Variants in TSPAN9 observed in about 807,000 individuals in gnomAD.
TSPAN9 encodes the protein tetraspanin 9.
A neutral mutation model predicts 31.0 loss-of-function variants in TSPAN9; 16 were observed. The ratio of observed to expected loss-of-function variants is 0.52; its 90% confidence interval spans 0.35 to 0.78. TSPAN9 has a LOEUF of 0.78. TSPAN9 is among the 30% of genes least tolerant of loss of function. TSPAN9 has a pLI of 0.01. For synonymous variants in TSPAN9, 145 were observed against 121.6 expected, an observed-to-expected ratio of 1.19 and a Z score of -1.27; for missense variants, 272 against 312.5, an observed-to-expected ratio of 0.87 and a Z score of 0.98.
chr12:3,278,336 C>T, intron 3 of TSPAN9, 85 bp from the exon 4 acceptor site: 1 of 1,533,950 alleles, frequency 6.5e-7, no homozygotes, highest in Non-Finnish European at 8.8e-7. Context: ...TGTCTCAGAG[C>T]ATGGGGTGGG....
At chr12:3,276,523 C>T (rs1254806467) in intron 3 of TSPAN9, among the ~76,000 whole-genome samples, 7 of 152,204 alleles carry the variant, frequency 4.6e-5, no homozygotes, top group African/African-American at 1.7e-4. Flanking sequence ...CTGTCTGGAA[C>T]GTTCTTCCCC....
chr12:3,081,359 C>T (rs1487306218), intron 1 of TSPAN9, among the ~76,000 whole-genome samples: 3 of 152,130 alleles, frequency 2.0e-5, no homozygotes, highest in Non-Finnish European at 2.9e-5. Context: ...CTAGCCTTAT[C>T]GCCACTCTCC....
At chr12:3,131,128 G>GA (rs144013286) in intron 2 of TSPAN9, among the ~76,000 whole-genome samples, 12 of 140,478 alleles carry the variant, frequency 8.5e-5, no homozygotes, top group Admixed American at 2.1e-4. Flanking sequence ...CCACTTTTGG[G>GA]GAAAAAAAAA....
intron 2 of TSPAN9, among the ~76,000 whole-genome samples, chr12:3,085,993 C>T (rs74054890): frequency 0.029 from 4,452 of 152,176 alleles, 222 homozygotes; most frequent in African/African-American, 0.1. Context: ...CCTGTGTAGA[C>T]GGCTCTGCTG....
intron 2 of TSPAN9, among the ~76,000 whole-genome samples, chr12:3,185,654 C>T (rs1341597380): frequency 2.6e-5 from 4 of 152,214 alleles, no homozygotes; most frequent in Non-Finnish European, 4.4e-5. Context: ...CAGCTGGGCC[C>T]GCAGAGCTTA....
intron 3 of TSPAN9, among the ~76,000 whole-genome samples, chr12:3,216,825 C>T (rs1166514749): frequency 6.6e-6 from 1 of 152,218 alleles, no homozygotes; most frequent in East Asian, 1.9e-4. Flanking sequence ...ACCTCCTTGG[C>T]CAAGGCCCTC....
intron 2 of TSPAN9, among the ~76,000 whole-genome samples, chr12:3,128,356 G>T (rs183158278): frequency 6.6e-6 from 1 of 152,264 alleles, no homozygotes; most frequent in East Asian, 1.9e-4. Flanking sequence ...GACTTTCTTG[G>T]ATATTCAAGC....
intron 3 of TSPAN9, among the ~76,000 whole-genome samples, chr12:3,225,272 C>T (rs1413107538): frequency 2.0e-5 from 3 of 152,098 alleles, no homozygotes; most frequent in Non-Finnish European, 2.9e-5. Flanking sequence ...GGCTTTTTCT[C>T]CTGGTGTCTC....
intron 2 of TSPAN9, among the ~76,000 whole-genome samples, chr12:3,174,755 T>A (rs1277324756): frequency 8.0e-6 from 1 of 125,510 alleles, no homozygotes; most frequent in African/African-American, 2.5e-5. Context: ...GCTAATTTTT[T>A]GTATTTTTAG....
intron 2 of TSPAN9, among the ~76,000 whole-genome samples, chr12:3,114,657 A>G (rs891216282): frequency 6.6e-6 from 1 of 152,206 alleles, no homozygotes; most frequent in Admixed American, 6.5e-5. Flanking sequence ...AGCCTGGCCA[A>G]TGTGGTGAAA....
chr12:3,107,854 A>G lies in TSPAN9; in HGVS notation c.-18+24135A>G, dbSNP rs2098315435. On this transcript the variant is annotated intron_variant, in intron 2 of 8. Coordinates refer to ENST00000011898, the MANE Select transcript of TSPAN9 (RefSeq NM_006675.5). This position sits in a 1 kb window ranked among gnomAD's most constrained non-coding sequence, Gnocchi z 4.1. ...TTCCTGGCTTGAGTTTCAAATGTCA[A>G]CTGGGACTCTTGTCTCTGTCCAGGC... Among the ~76,000 whole-genome samples the G allele has an allele frequency of 6.6e-6, 1 of 152,206 alleles. No homozygotes were observed. The highest frequency in any genetic ancestry group is 2.4e-5 in the African/African-American group (1 of 41,454).
chr12:3,152,597 C>CTTTTTTTTTTTTT (rs367668971), intron 2 of TSPAN9, among the ~76,000 whole-genome samples: 382 of 151,070 alleles, frequency 2.5e-3, no homozygotes, highest in African/African-American at 7.4e-3. Context: ...TCTTTTCTTT[C>CTTTTTTTTTTTTT]TTTTTTGAGA....
chr12:3,278,308 C>T (rs1005497837), intron 3 of TSPAN9, 113 bp from the exon 4 acceptor site: 21 of 1,442,536 alleles, frequency 1.5e-5, no homozygotes, highest in Middle Eastern at 2.5e-4. Context: ...CTCACCTTGT[C>T]GGTTCTCACT....
chr12:3,103,707 C>T (rs1476089686), intron 2 of TSPAN9, among the ~76,000 whole-genome samples: 1 of 152,168 alleles, frequency 6.6e-6, no homozygotes, highest in Non-Finnish European at 1.5e-5. Flanking sequence ...GGACTAGCAC[C>T]TGGAGAGTGG....
In TSPAN9 at chr12:3,226,773, TATATATA is replaced by T. The variant is rs2098387866; in HGVS notation, c.63+25518_63+25524del. Among the ~76,000 whole-genome samples the T allele has an allele frequency of 9.1e-4, 5 of 5,486 alleles. 2 individuals are homozygous for T. Among genetic ancestry groups the T allele is most frequent in the Admixed American group, 2.3e-3 (1 of 444 alleles). The allele number at this position is 5,486 out of a possible 152,430, so 3.6% of individuals were successfully genotyped here. ...ATATATATATATATATATATATATA[TATATATA>T]TATATATATATATATTTTTTTTTTT... On this transcript the variant is annotated intron_variant, in intron 3 of 8. Coordinates refer to ENST00000011898, the MANE Select transcript of TSPAN9 (RefSeq NM_006675.5).
intron 2 of TSPAN9, among the ~76,000 whole-genome samples, chr12:3,156,426 C>T (rs2098342301): frequency 6.6e-6 from 1 of 151,940 alleles, no homozygotes; most frequent in Non-Finnish European, 1.5e-5. Flanking sequence ...GAGGCATCTC[C>T]TGTCTTCTTG....
intron 3 of TSPAN9, chr12:3,211,942 C>T (rs61529224): frequency 7.1e-6 from 9 of 1,271,532 alleles, no homozygotes; most frequent in East Asian, 4.6e-5. Flanking sequence ...AGGTCGTCAC[C>T]ACCGGAAAGC....
At chr12:3,096,901 T>C (rs1591626264) in intron 2 of TSPAN9, among the ~76,000 whole-genome samples, 2 of 152,256 alleles carry the variant, frequency 1.3e-5, no homozygotes, top group Admixed American at 1.3e-4. Context: ...GGTTTCACCA[T>C]GTTAGCCAGG....
chr12:3,109,307 A>AGAGAGAGAGAGAGTGT lies in TSPAN9; in HGVS notation c.-18+25589_-18+25590insAGAGAGAGAGAGTGTG, dbSNP rs560687812. ...GTGTGTGTGTGTGTGTGTGAGAGAGAGTGTGTGTGTGTGTGTGTGTTTGTG... is the reference window on the plus strand; with the variant it reads ...GTGTGTGTGTGTGTGTGTGAGAGAGAGAGAGAGAGAGAGTGTGTGTGTGTGTGTGTGTGTGTTTGTG... On this transcript the variant is annotated intron_variant, in intron 2 of 8. Transcript: ENST00000011898. Among the ~76,000 whole-genome samples the AGAGAGAGAGAGAGTGT allele has an allele frequency of 4.9e-3, 699 of 143,272 alleles. 11 individuals are homozygous for AGAGAGAGAGAGAGTGT. Among genetic ancestry groups the AGAGAGAGAGAGAGTGT allele is most frequent in the African/African-American group, 0.018 (655 of 36,106 alleles). The allele number at this position is 143,272 out of a possible 152,430, so 94.0% of individuals were successfully genotyped here. A position where few individuals can be genotyped will look rare whatever the true frequency, so the allele number is the denominator to read the frequency against.
Sources: gnomAD v4.1 joint callset for allele counts (sites outside exome capture counted in the v4.1 genomes callset) on GRCh38, gnomAD v4.1.1 for gene constraint, Gnocchi (gnomAD v3.1) non-coding constraint, MANE v1.5 for transcripts, NCBI Gene and HGNC (gene_info 2026-07-23, HGNC 2026-07-21) for gene names.